Variants in PIP5K1C observed in about 807,000 individuals in gnomAD.
The protein encoded by PIP5K1C is phosphatidylinositol 4-phosphate 5-kinase type-1 gamma.
Under a neutral mutation model 80.1 loss-of-function variants are expected in PIP5K1C, and 45 were observed. That is an observed-to-expected ratio of 0.56 (90% confidence interval 0.44 to 0.72). PIP5K1C has a LOEUF of 0.72. Ranked by LOEUF, PIP5K1C falls within the 30% of genes least tolerant of loss-of-function variation. PIP5K1C has a pLI of 0.00. For synonymous variants in PIP5K1C, 498 were observed against 420.1 expected (o/e 1.19, Z -2.27); for missense variants, 753 against 954.6 (o/e 0.79, Z 2.78).
chr19:3,652,907 G>A (rs1599968401), intron 7 of PIP5K1C, among the ~76,000 whole-genome samples: 1 of 152,184 alleles, frequency 6.6e-6, no homozygotes, highest in Non-Finnish European at 1.5e-5. Flanking sequence ...GTAACCTCCA[G>A]AGGAACCACT....
chr19:3,686,821 G>A (rs1354668504), intron 1 of PIP5K1C, among the ~76,000 whole-genome samples: 1 of 152,126 alleles, frequency 6.6e-6, no homozygotes, highest in Non-Finnish European at 1.5e-5. Flanking sequence ...TTAAGAAAAT[G>A]GGGTAATAAA....
In PIP5K1C at chr19:3,667,484, C is replaced by A; in HGVS notation, c.95-131G>T. ...ACTCCGCGTGGGGCTGGTCTCAAGG[C>A]TACACACAAGTGAAGACATGGACTG... On this transcript the variant is annotated intron_variant, in intron 1 of 17. Transcript: ENST00000335312. 7 of 978,924 alleles carry A rather than the reference C, an allele frequency of 7.2e-6. No homozygotes were observed. The Admixed American group carries it at 1.1e-4, about 15-fold the overall frequency. 60.6% of individuals were successfully genotyped at this position (978,924 alleles called of 1,614,324 possible). A position where few individuals can be genotyped will look rare whatever the true frequency, so the allele number is the denominator to read the frequency against.
At chr19:3,681,129 A>T (rs1424559981) in intron 1 of PIP5K1C, among the ~76,000 whole-genome samples, 1 of 151,832 alleles carries the variant, frequency 6.6e-6, no homozygotes, top group Non-Finnish European at 1.5e-5. Flanking sequence ...GTATGGAGGT[A>T]TGTGGGATGG....
At position 3,637,376 on chromosome 19, in the gene PIP5K1C, G is replaced by C. The variant is rs1393370416; in HGVS notation, c.1920+1508C>G. ...GCATGCAGCCCAGCGCCTGGTCCGGGGCCAGCGTGGCTGACCTCAATTGCA... is the reference window on the plus strand; with the variant it reads ...GCATGCAGCCCAGCGCCTGGTCCGGCGCCAGCGTGGCTGACCTCAATTGCA... On this transcript the variant is annotated intron_variant, in intron 16 of 17. Transcript: ENST00000335312. This position sits in a 1 kb window ranked among gnomAD's most constrained non-coding sequence, Gnocchi z 7.0. 1 of 1,535,422 alleles carries C rather than the reference G, an allele frequency of 6.5e-7. No homozygotes were observed. The highest frequency in any genetic ancestry group is 1.2e-5 in the South Asian group (1 of 84,052).
At chr19:3,662,231 G>A (rs1179562109) in intron 3 of PIP5K1C, among the ~76,000 whole-genome samples, 1 of 152,192 alleles carries the variant, frequency 6.6e-6, no homozygotes, top group Non-Finnish European at 1.5e-5. Context: ...GACAGGGCTC[G>A]GCTGCAACTG....
chr19:3,651,800 G>C, intron 8 of PIP5K1C, 26 bp downstream of exon 8: 1 of 1,602,714 alleles, frequency 6.2e-7, no homozygotes, highest in Non-Finnish European at 8.5e-7. Context: ...AAGCGGGACG[G>C]GTCCGGCGGC....
Position 3,643,312 on chromosome 19 carries a change from G to A in PIP5K1C, c.1580C>T (p.Thr527Ile). 6.2e-7 allele frequency: 1 copy of A among 1,614,036 alleles called. No homozygotes were observed. The highest frequency in any genetic ancestry group is 1.1e-5 in the South Asian group (1 of 91,090). ...EEATTASIAT[T>I]LSSTSLSIPE... The stretch of plus-strand genomic sequence containing the variant: ...AATGGAGAGGGATGTGGATGACAGA[G>A]TCGTGGCAATGGAGGCTGTAGTGGC... The change falls in exon 13 of 18, where the codon ACT (threonine) becomes ATT (isoleucine). Residue 527 changes from threonine to isoleucine, a missense_variant. Coordinates refer to ENST00000335312, the MANE Select transcript of PIP5K1C (RefSeq NM_012398.3).
chr19:3,665,920 C>T (rs1046916496), intron 2 of PIP5K1C, among the ~76,000 whole-genome samples: 4 of 152,164 alleles, frequency 2.6e-5, no homozygotes, highest in South Asian at 2.1e-4. Context: ...CCCATCCCAC[C>T]GCTATCAGCC....
intron 10 of PIP5K1C, 78 bp from the exon 11 acceptor site, chr19:3,646,136 T>G: frequency 3.7e-6 from 3 of 819,132 alleles, no homozygotes; most frequent in Non-Finnish European, 4.3e-6. Flanking sequence ...AGACAGACGC[T>G]GTATGTGTGT....
At chr19:3,667,465 C>A in intron 1 of PIP5K1C, 112 bp from the exon 2 acceptor site, 1 of 1,150,490 alleles carries the variant, frequency 8.7e-7, no homozygotes, top group East Asian at 2.4e-5. Flanking sequence ...TGTAACTCCG[C>A]GTGGGGCTGG....
intron 3 of PIP5K1C, among the ~76,000 whole-genome samples, chr19:3,664,532 G>C (rs1284737946): frequency 6.6e-6 from 1 of 152,152 alleles, no homozygotes; most frequent in Admixed American, 6.5e-5. Flanking sequence ...CCCTCACCAG[G>C]GCCGAGAGCC....
In PIP5K1C at chr19:3,637,868, T is replaced by G; in HGVS notation, c.1920+1016A>C. On this transcript the variant is annotated intron_variant, in intron 16 of 17. Transcript: ENST00000335312. This position sits in a 1 kb window ranked among gnomAD's most constrained non-coding sequence, Gnocchi z 7.0. ...CACGACATGGCCCCCAGGCCCCCCG[T>G]ACCATCCGGAGACCAGGACGCGCAC... is the stretch of plus-strand genomic sequence containing the variant. 2 of 1,535,214 alleles carry G rather than the reference T, an allele frequency of 1.3e-6. No individual in the cohort carries two copies. Among genetic ancestry groups the G allele is most frequent in the Non-Finnish European group, 1.7e-6 (2 of 1,146,640 alleles).
rs991649472 is a variant in PIP5K1C, at chr19:3,631,353, A to AC, written c.*1813dup. On this transcript the variant is annotated 3_prime_UTR_variant, in exon 18 of 18. Coordinates refer to ENST00000335312, the MANE Select transcript of PIP5K1C (RefSeq NM_012398.3). ...CCTGCTGGCCATCCAGGTCCCAGACACCCCTTCTGACCTCTGCCCCTGCCT... is the reference window on the plus strand; with the variant it reads ...CCTGCTGGCCATCCAGGTCCCAGACACCCCCTTCTGACCTCTGCCCCTGCCT... 8 of 152,446 alleles carry AC rather than the reference A, an allele frequency of 5.2e-5. No homozygotes were observed. Among genetic ancestry groups the AC allele is most frequent in the African/African-American group, 1.7e-4 (7 of 41,402 alleles). 9.4% of individuals were successfully genotyped at this position (152,446 alleles called of 1,614,324 possible).
chr19:3,637,225 G>A lies in PIP5K1C; in HGVS notation c.1920+1659C>T, dbSNP rs1404687771. 2.8e-6 allele frequency: 4 copies of A among 1,441,230 alleles called. No individual in the cohort carries two copies. The highest frequency in any genetic ancestry group is 3.6e-6 in the Non-Finnish European group (4 of 1,101,774). The allele number at this position is 1,441,230 out of a possible 1,614,324, so 89.3% of individuals were successfully genotyped here. A position where few individuals can be genotyped will look rare whatever the true frequency, so the allele number is the denominator to read the frequency against. ...CACGAGAGGGCTGGGTCCAGGGGCA[G>A]AGAGGGGCTCGCTGGGGTCTGGCCG... On this transcript the variant is annotated intron_variant, in intron 16 of 17. Transcript: ENST00000335312. The surrounding 1 kb of genome is among the most constrained non-coding windows in gnomAD (Gnocchi z 7.0).
At chr19:3,676,249 T>C (rs1258405905) in intron 1 of PIP5K1C, among the ~76,000 whole-genome samples, 1 of 151,666 alleles carries the variant, frequency 6.6e-6, no homozygotes, top group Non-Finnish European at 1.5e-5. Context: ...CACCGGGAAG[T>C]GATGAGAGAT....
intron 1 of PIP5K1C, among the ~76,000 whole-genome samples, chr19:3,679,447 C>A (rs1465443019): frequency 6.6e-6 from 1 of 152,222 alleles, no homozygotes; most frequent in Non-Finnish European, 1.5e-5. Context: ...TTCCTACCCG[C>A]CTTGCATCCC....
intron 1 of PIP5K1C, among the ~76,000 whole-genome samples, chr19:3,687,283 A>T (rs2035788355): frequency 6.6e-6 from 1 of 152,070 alleles, no homozygotes; most frequent in African/African-American, 2.4e-5. Flanking sequence ...AATTGCTTGA[A>T]CCTGGGAGGC....
intron 1 of PIP5K1C, among the ~76,000 whole-genome samples, chr19:3,687,366 A>T (rs1456378559): frequency 6.6e-6 from 1 of 152,208 alleles, no homozygotes; most frequent in Non-Finnish European, 1.5e-5. Flanking sequence ...AGTCTCAAAA[A>T]GAAAAGAATT....
At position 3,645,930 on chromosome 19, in the gene PIP5K1C, C is replaced by G. The variant is rs1201356834; in HGVS notation, c.1345+44G>C. 3.3e-6 allele frequency: 5 copies of G among 1,509,390 alleles called. No individual in the cohort carries two copies. In the South Asian group the frequency reaches 5.6e-5, roughly 17 times the overall value. 93.5% of individuals were successfully genotyped at this position (1,509,390 alleles called of 1,614,324 possible). On this transcript the variant is annotated intron_variant, in intron 11 of 17. Coordinates refer to ENST00000335312, the MANE Select transcript of PIP5K1C (RefSeq NM_012398.3). ...CCTCCTGCCCCACGGCGCTCTGGGCCTTCCCCAGGGTCCCTCCCGCCTTGC... is the reference window on the plus strand; with the variant it reads ...CCTCCTGCCCCACGGCGCTCTGGGCGTTCCCCAGGGTCCCTCCCGCCTTGC...
Sources: gnomAD v4.1 joint callset for allele counts (sites outside exome capture counted in the v4.1 genomes callset) on GRCh38, gnomAD v4.1.1 for gene constraint, Gnocchi (gnomAD v3.1) non-coding constraint, MANE v1.5 for transcripts, NCBI Gene and HGNC (gene_info 2026-07-23, HGNC 2026-07-21) for gene names.